Variants in PTPN14 observed in about 807,000 individuals in gnomAD.
PTPN14 encodes tyrosine-protein phosphatase non-receptor type 14.
Under a neutral mutation model 126.8 loss-of-function variants are expected in PTPN14, and 53 were observed. The observed-to-expected ratio is 0.42, with a 90% CI of 0.34 to 0.53. PTPN14 has a LOEUF of 0.53. Among genes scored for constraint, PTPN14 ranks in the 20% least tolerant of loss-of-function variants. PTPN14 has a pLI of 0.08. For synonymous variants in PTPN14, 630 were observed against 599.3 expected, an observed-to-expected ratio of 1.05 and a Z score of -0.75; for missense variants, 1,257 against 1,552.9, an observed-to-expected ratio of 0.81 and a Z score of 3.20.
chr1:214,372,291 G>A lies in PTPN14; in HGVS notation c.3036+420C>T, dbSNP rs59762441. 496 of 158,158 alleles carry A rather than the reference G, an allele frequency of 3.1e-3. 2 individuals carry two copies. Among genetic ancestry groups the A allele is most frequent in the African/African-American group, 0.018 (475 of 26,392 alleles). 9.8% of individuals were successfully genotyped at this position (158,158 alleles called of 1,614,324 possible). A position where few individuals can be genotyped will look rare whatever the true frequency, so the allele number is the denominator to read the frequency against. The stretch of plus-strand genomic sequence containing the variant: ...CAGCTGATAAGGATGATGGCATGTG[G>A]AGCTGGGTGCCTGGAGTTGGGCGTC... On this transcript the variant is annotated intron_variant, in intron 16 of 18. Coordinates refer to ENST00000366956, the MANE Select transcript of PTPN14 (RefSeq NM_005401.5).
intron 10 of PTPN14, among the ~76,000 whole-genome samples, chr1:214,392,981 T>C (rs971342656): frequency 1.1e-4 from 16 of 152,126 alleles, no homozygotes; most frequent in Admixed American, 4.6e-4. Flanking sequence ...ATTAAACACA[T>C]TGGGCGCCCA....
At chr1:214,546,837 C>T (rs1411040698) in intron 1 of PTPN14, among the ~76,000 whole-genome samples, 1 of 152,110 alleles carries the variant, frequency 6.6e-6, no homozygotes, top group Admixed American at 6.5e-5. Context: ...AACTACATAT[C>T]AAATTTTACA....
chr1:214,397,603 G>C (rs1658915433), intron 8 of PTPN14, among the ~76,000 whole-genome samples: 1 of 152,202 alleles, frequency 6.6e-6, no homozygotes. Context: ...CAGAACAATG[G>C]AAAGAAGTGT....
At chr1:214,519,477 A>G (rs993798143) in intron 1 of PTPN14, among the ~76,000 whole-genome samples, 13 of 152,174 alleles carry the variant, frequency 8.5e-5, no homozygotes, top group Non-Finnish European at 1.9e-4. Context: ...CTGCTGGTCC[A>G]TAATATACTG....
Position 214,384,487 on chromosome 1 carries a change from G to T in PTPN14, c.1368C>A (p.Ile456=). The change falls in exon 13 of 19, where the codon ATC becomes ATA. Residue 456 remains isoleucine (I), a synonymous_variant. Transcript: ENST00000366956. The surrounding 1 kb of genome is among the most constrained non-coding windows in gnomAD (Gnocchi z 5.3). The part of the protein sequence containing the change: ...ETVMRQMKRG[I]LHTDSQSQSL... ...ACTGGCTCTGGCTGTCTGTATGCAGGATCCCCCTCTTCATCTGGCGCATGA... is the reference window on the plus strand; with the variant it reads ...ACTGGCTCTGGCTGTCTGTATGCAGTATCCCCCTCTTCATCTGGCGCATGA... The T allele has an allele frequency of 6.2e-7, 1 of 1,614,140 alleles. No individual in the cohort carries two copies. Among genetic ancestry groups the T allele is most frequent in the East Asian group, 2.2e-5 (1 of 44,878 alleles).
intron 7 of PTPN14, 107 bp downstream of exon 7, chr1:214,401,578 G>A: frequency 3.2e-6 from 3 of 951,268 alleles, no homozygotes; most frequent in Non-Finnish European, 4.7e-6. Context: ...AGGCTGCATA[G>A]CAAAAAGAAG....
In PTPN14 at chr1:214,383,572, A is replaced by C. The variant is rs1214646133; in HGVS notation, c.2283T>G (p.Asn761Lys). The C allele has an allele frequency of 6.2e-7, 1 of 1,613,530 alleles. No individual in the cohort carries two copies. Among genetic ancestry groups the C allele is most frequent in the African/African-American group, 1.3e-5 (1 of 74,888 alleles). Residue 761 changes from asparagine (N) to lysine (K), a missense_variant, in exon 13 of 19, where the codon AAT (asparagine) becomes AAG (lysine). Coordinates refer to ENST00000366956, the MANE Select transcript of PTPN14 (RefSeq NM_005401.5). The surrounding 1 kb of genome is among the most constrained non-coding windows in gnomAD (Gnocchi z 4.4). ...TGGCTTGGTCCTGCCTCAGAGCCCC[A>C]TTGCTCACACTCTTCCTTGGACCGG... ...EYPGPRKSVS[N>K]GALRQDQASL...
intron 8 of PTPN14, among the ~76,000 whole-genome samples, chr1:214,397,547 T>C (rs1658908869): frequency 6.6e-6 from 1 of 152,204 alleles, no homozygotes; most frequent in Non-Finnish European, 1.5e-5. Context: ...CTAATCACCT[T>C]TTGTTCACAT....
intron 1 of PTPN14, among the ~76,000 whole-genome samples, chr1:214,476,257 T>C (rs1021932254): frequency 6.6e-6 from 1 of 152,124 alleles, no homozygotes; most frequent in Non-Finnish European, 1.5e-5. Flanking sequence ...AAAAACCAAT[T>C]TGAAAAACAC....
At chr1:214,483,188 T>C (rs1385862189) in intron 1 of PTPN14, 6 of 1,601,858 alleles carry the variant, frequency 3.7e-6, no homozygotes, top group South Asian at 2.2e-5. Context: ...CGTTGTGTAA[T>C]GTCTATAAAT....
intron 1 of PTPN14, among the ~76,000 whole-genome samples, chr1:214,495,654 TTTTATTTTTTTTATTTATTTA>T (rs1392527043): frequency 6.9e-6 from 1 of 144,270 alleles, no homozygotes; most frequent in Non-Finnish European, 1.5e-5. Context: ...TCATGTGCTA[TTTTATTTTTTTTATTTATTTA>T]TTTATTTATT....
intron 1 of PTPN14, among the ~76,000 whole-genome samples, chr1:214,525,162 A>G (rs1350911396): frequency 6.6e-6 from 1 of 152,338 alleles, no homozygotes; most frequent in East Asian, 1.9e-4. Flanking sequence ...CGGTGCCAGC[A>G]CTGTGACAGA....
intron 13 of PTPN14, among the ~76,000 whole-genome samples, chr1:214,379,451 C>A (rs1658422401): frequency 6.6e-6 from 1 of 152,192 alleles, no homozygotes; most frequent in South Asian, 2.1e-4. Flanking sequence ...ACACTGACAA[C>A]AGGATGCCTA....
intron 1 of PTPN14, chr1:214,532,732 C>CT (rs1263120710): frequency 1.3e-5 from 10 of 786,316 alleles, no homozygotes; most frequent in Non-Finnish European, 2.1e-5. Flanking sequence ...GCATTACGGG[C>CT]TCTGCAAGGT....
chr1:214,458,385 G>A (rs540528981), intron 2 of PTPN14, among the ~76,000 whole-genome samples: 1 of 152,204 alleles, frequency 6.6e-6, no homozygotes, highest in Non-Finnish European at 1.5e-5. Flanking sequence ...AATGGAACAA[G>A]CAGACTTACA....
intron 4 of PTPN14, among the ~76,000 whole-genome samples, chr1:214,413,793 T>G (rs1005702148): frequency 1.3e-5 from 2 of 152,172 alleles, no homozygotes; most frequent in African/African-American, 4.8e-5. Flanking sequence ...TCCAGCCTCC[T>G]GAGTAGCTGG....
intron 18 of PTPN14, among the ~76,000 whole-genome samples, chr1:214,362,486 C>A (rs571831699): frequency 6.6e-6 from 1 of 152,366 alleles, no homozygotes; most frequent in South Asian, 2.1e-4. Flanking sequence ...GGAGGCCACA[C>A]TGGCCGAATC....
intron 7 of PTPN14, among the ~76,000 whole-genome samples, chr1:214,401,045 C>G (rs1342331656): frequency 1.3e-5 from 2 of 152,072 alleles, no homozygotes; most frequent in Admixed American, 1.3e-4. Flanking sequence ...AGTTGGTCAA[C>G]AGAGAGTGGA....
intron 3 of PTPN14, among the ~76,000 whole-genome samples, chr1:214,446,291 C>T (rs940170178): frequency 6.6e-6 from 1 of 152,074 alleles, no homozygotes; most frequent in African/African-American, 2.4e-5. Context: ...ATTTGTAGCC[C>T]TGTGTGTATT....
Sources: gnomAD v4.1 joint callset for allele counts (sites outside exome capture counted in the v4.1 genomes callset) on GRCh38, gnomAD v4.1.1 for gene constraint, Gnocchi (gnomAD v3.1) non-coding constraint, MANE v1.5 for transcripts, NCBI Gene and HGNC (gene_info 2026-07-23, HGNC 2026-07-21) for gene names.